Variants in SWAP70 observed in about 807,000 individuals in gnomAD.
The protein encoded by SWAP70 is switching B cell complex subunit SWAP70.
Under a neutral mutation model 80.2 loss-of-function variants are expected in SWAP70, and 34 were observed. That is an observed-to-expected ratio of 0.42 (90% CI 0.32 to 0.56). The LOEUF is 0.56. SWAP70 is among the 20% of genes least tolerant of loss of function. The pLI is 0.09. For missense variants in SWAP70, 578 were observed against 690.7 expected (o/e 0.84, Z 1.83); for synonymous variants, 239 against 238.5 (o/e 1.00, Z -0.02).
chr11:9,748,942 G>C (rs1851547266), intron 10 of SWAP70, 145 bp from the exon 11 acceptor site: 2 of 420,414 alleles, frequency 4.8e-6, no homozygotes, highest in Non-Finnish European at 8.7e-6. Context: ...GTACAATGGG[G>C]TAATAGTAGT....
At chr11:9,706,339 T>TTGGTGATCTGTATACAC (rs1223467645) in intron 2 of SWAP70, among the ~76,000 whole-genome samples, 60 of 149,054 alleles carry the variant, frequency 4.0e-4, no homozygotes, top group African/African-American at 1.0e-3. Context: ...CTGTGTATAC[T>TTGGTGATCTGTATACAC]TGGTGATCTG....
chr11:9,748,109 T>A (rs543676946), intron 10 of SWAP70, 53 bp downstream of exon 10: 2 of 1,548,092 alleles, frequency 1.3e-6, no homozygotes, highest in Non-Finnish European at 1.8e-6. Context: ...GAAAAACATT[T>A]CTCAATAATA....
At chr11:9,665,932 GT>G (rs1850301489) in intron 1 of SWAP70, among the ~76,000 whole-genome samples, 1 of 149,660 alleles carries the variant, frequency 6.7e-6, no homozygotes, top group Non-Finnish European at 1.5e-5. Flanking sequence ...GACAATCTCT[GT>G]CTTTTAATTG....
At chr11:9,694,689 C>T (rs573568581) in intron 2 of SWAP70, among the ~76,000 whole-genome samples, 2 of 152,260 alleles carry the variant, frequency 1.3e-5, no homozygotes, top group South Asian at 2.1e-4. Context: ...GACATTTACA[C>T]GGCCAACAAA....
intron 1 of SWAP70, 146 bp downstream of exon 1, chr11:9,664,424 G>A: frequency 1.2e-6 from 1 of 857,864 alleles, no homozygotes; most frequent in Non-Finnish European, 1.8e-6. Flanking sequence ...GGCGGAGTGG[G>A]TCTGAGACCG....
intron 1 of SWAP70, among the ~76,000 whole-genome samples, chr11:9,667,232 C>CCG (rs1554981983): frequency 1.2e-4 from 17 of 146,680 alleles, no homozygotes; most frequent in African/African-American, 4.2e-4. Flanking sequence ...TTTCACACTT[C>CCG]TGTGTGTGTG....
At chr11:9,737,556 A>G (rs1030036163) in intron 7 of SWAP70, among the ~76,000 whole-genome samples, 4 of 152,192 alleles carry the variant, frequency 2.6e-5, no homozygotes, top group Admixed American at 2.0e-4. Flanking sequence ...TGAATAATGT[A>G]TAAGATGAAA....
intron 1 of SWAP70, among the ~76,000 whole-genome samples, chr11:9,672,202 T>G (rs1012113327): frequency 8.1e-6 from 1 of 124,128 alleles, no homozygotes; most frequent in African/African-American, 3.0e-5. Context: ...TGTCTATATA[T>G]ATATATATAT....
At chr11:9,676,128 G>A (rs1281994211) in intron 1 of SWAP70, among the ~76,000 whole-genome samples, 3 of 152,160 alleles carry the variant, frequency 2.0e-5, no homozygotes, top group Non-Finnish European at 4.4e-5. Flanking sequence ...TTTTAAACTT[G>A]TATTCATGAA....
chr11:9,720,817 T>C (rs1168950248), intron 3 of SWAP70, among the ~76,000 whole-genome samples: 1 of 152,186 alleles, frequency 6.6e-6, no homozygotes, highest in Non-Finnish European at 1.5e-5. Flanking sequence ...AATCTCTTCT[T>C]ATTTTTTATT....
At chr11:9,725,565 A>AT (rs1851209163) in intron 4 of SWAP70, among the ~76,000 whole-genome samples, 5 of 17,350 alleles carry the variant, frequency 2.9e-4, no homozygotes, top group African/African-American at 1.1e-3. Flanking sequence ...ATATATATAT[A>AT]TATATTTTTT....
At chr11:9,671,709 TAGAA>T (rs1565109780) in intron 1 of SWAP70, among the ~76,000 whole-genome samples, 12 of 109,010 alleles carry the variant, frequency 1.1e-4, no homozygotes, top group African/African-American at 2.9e-4. Flanking sequence ...TATGTATACA[TAGAA>T]ATATATAAAT....
intron 7 of SWAP70, among the ~76,000 whole-genome samples, chr11:9,736,302 A>G (rs1210323498): frequency 2.0e-5 from 3 of 152,026 alleles, no homozygotes; most frequent in Non-Finnish European, 4.4e-5. Context: ...TGAGCATAAA[A>G]TATTTATAAC....
Position 9,732,655 on chromosome 11 carries a change from A to C in SWAP70, c.1025A>C (p.Lys342Thr), listed in dbSNP as rs1187966951. Reference protein sequence around the residue: ...AEQEELERQMKELQAANESKQ... With the variant: ...AEQEELERQMTELQAANESKQ... Reference sequence around the variant, plus strand: ...CAAGAGGAACTGGAGCGACAAATGAAGGAACTCCAGGCCGCCAACGAAAGC... The same window carrying C: ...CAAGAGGAACTGGAGCGACAAATGACGGAACTCCAGGCCGCCAACGAAAGC... The change falls in exon 7 of 12, where the codon AAG (lysine) becomes ACG (threonine). Residue 342 changes from lysine to threonine, a missense_variant. Coordinates refer to ENST00000318950, the MANE Select transcript of SWAP70 (RefSeq NM_015055.4). 2 of 1,570,062 alleles carry C rather than the reference A, an allele frequency of 1.3e-6. No individual in the cohort carries two copies. Among genetic ancestry groups the C allele is most frequent in the East Asian group, 2.4e-5 (1 of 42,334 alleles).
intron 1 of SWAP70, among the ~76,000 whole-genome samples, chr11:9,671,543 TATATAG>T (rs1313747220): frequency 2.3e-4 from 19 of 82,456 alleles, no homozygotes; most frequent in South Asian, 3.9e-4. Context: ...TATATAGAAA[TATATAG>T]AAATATATAT....
chr11:9,740,326 C>G lies in SWAP70; in HGVS notation c.1334C>G (p.Thr445Arg). The part of the protein sequence containing the change: ...DERQARQDEE[T>R]VRKLQARLLE... Reference sequence around the variant, plus strand: ...AGACAGGCCCGGCAAGATGAAGAGACAGTGCGGAAGCTTCAGGCCAGGTGC... The same window carrying G: ...AGACAGGCCCGGCAAGATGAAGAGAGAGTGCGGAAGCTTCAGGCCAGGTGC... Residue 445 changes from threonine to arginine, a missense_variant, in exon 9 of 12, where the codon ACA becomes AGA. Coordinates refer to ENST00000318950, the MANE Select transcript of SWAP70 (RefSeq NM_015055.4). 6.2e-7 allele frequency: 1 copy of G among 1,614,188 alleles called. No individual in the cohort carries two copies. The highest frequency in any genetic ancestry group is 8.5e-7 in the Non-Finnish European group (1 of 1,180,024).
At chr11:9,670,548 T>C (rs1178559717) in intron 1 of SWAP70, among the ~76,000 whole-genome samples, 5 of 151,774 alleles carry the variant, frequency 3.3e-5, no homozygotes, top group Admixed American at 2.0e-4. Context: ...ATTTGGTAGT[T>C]GAAGCTTGGA....
intron 8 of SWAP70, among the ~76,000 whole-genome samples, chr11:9,738,607 C>T (rs1403396048): frequency 1.3e-5 from 2 of 151,238 alleles, no homozygotes; most frequent in East Asian, 3.9e-4. Flanking sequence ...TGGCCCACTC[C>T]TGTAATCCCA....
At chr11:9,712,479 AGGCT>A (rs1851010314) in intron 2 of SWAP70, among the ~76,000 whole-genome samples, 1 of 152,118 alleles carries the variant, frequency 6.6e-6, no homozygotes, top group Non-Finnish European at 1.5e-5. Context: ...GAACTGCTTA[AGGCT>A]AGGAGTTTGA....
Sources: allele counts gnomAD v4.1 joint callset (sites outside exome capture counted in the v4.1 genomes callset), GRCh38; gene constraint gnomAD v4.1.1; transcripts MANE v1.5; gene names NCBI Gene and HGNC (gene_info 2026-07-23, HGNC 2026-07-21).